Variants in ZNF385D observed in about 807,000 individuals in gnomAD.
The protein encoded by ZNF385D is zinc finger protein 385D, also known as zinc finger protein 659.
ZNF385D carries 15 observed loss-of-function variants against 35.8 expected under a neutral mutation model. That is an observed-to-expected ratio of 0.42 (90% CI 0.28 to 0.64). The LOEUF (loss-of-function observed/expected upper bound fraction) is 0.64, where lower values mean the gene tolerates loss of function less well. Ranked by LOEUF, ZNF385D falls within the 30% of genes least tolerant of loss-of-function variation. The pLI is 0.23. For synonymous variants in ZNF385D, 212 were observed against 186.8 expected, an observed-to-expected ratio of 1.13 and a Z score of -1.10; for missense variants, 474 against 494.6, an observed-to-expected ratio of 0.96 and a Z score of 0.39.
chr3:22,004,214 A>G (rs781138028), intron 3 of ZNF385D, among the ~76,000 whole-genome samples: 40 of 152,190 alleles, frequency 2.6e-4, no homozygotes, highest in Non-Finnish European at 5.6e-4. Context: ...ACCGTCTTCA[A>G]TAAATGGTAC....
intron 3 of ZNF385D, among the ~76,000 whole-genome samples, chr3:21,830,614 T>A (rs762363028): frequency 2.0e-5 from 3 of 152,228 alleles, no homozygotes; most frequent in Non-Finnish European, 4.4e-5. Context: ...TTCCCTTGTC[T>A]GTCGAAGATG....
chr3:22,079,188 T>C (rs1489583264), intron 3 of ZNF385D, among the ~76,000 whole-genome samples: 1 of 152,022 alleles, frequency 6.6e-6, no homozygotes, highest in African/African-American at 2.4e-5. Context: ...CCACAGTACA[T>C]AAATAATTGT....
At chr3:22,183,296 T>C (rs970475882) in intron 2 of ZNF385D, among the ~76,000 whole-genome samples, 2 of 152,182 alleles carry the variant, frequency 1.3e-5, no homozygotes, top group Non-Finnish European at 2.9e-5. Flanking sequence ...GGTAACAGTA[T>C]GCATTCTGCT....
At chr3:22,165,180 G>A (rs1283868085) in intron 3 of ZNF385D, among the ~76,000 whole-genome samples, 2 of 152,224 alleles carry the variant, frequency 1.3e-5, no homozygotes, top group African/African-American at 4.8e-5. Flanking sequence ...ATGTGTTGAT[G>A]TAGGTTAATC....
chr3:21,546,959 A>G (rs1029508157), intron 3 of ZNF385D, among the ~76,000 whole-genome samples: 19 of 152,080 alleles, frequency 1.2e-4, no homozygotes, highest in African/African-American at 4.3e-4. Flanking sequence ...TCTGCCCTAC[A>G]TACCCTGGGT....
At chr3:21,949,925 A>G (rs909137895) in intron 3 of ZNF385D, among the ~76,000 whole-genome samples, 1 of 152,112 alleles carries the variant, frequency 6.6e-6, no homozygotes, top group Non-Finnish European at 1.5e-5. Context: ...CATGGTGTAT[A>G]TGTGCCACAT....
chr3:22,233,078 T>A (rs1183628797), intron 2 of ZNF385D, among the ~76,000 whole-genome samples: 1 of 151,888 alleles, frequency 6.6e-6, no homozygotes, highest in African/African-American at 2.4e-5. Context: ...TTTACTATAA[T>A]TTTTTTTGTT....
At chr3:22,344,801 A>C (rs1460557934) in intron 2 of ZNF385D, among the ~76,000 whole-genome samples, 3 of 152,216 alleles carry the variant, frequency 2.0e-5, no homozygotes, top group African/African-American at 7.2e-5. Context: ...ATCCTTAATA[A>C]GTAAATGCTG....
intron 1 of ZNF385D, among the ~76,000 whole-genome samples, chr3:21,748,706 A>C (rs1443164416): frequency 6.6e-6 from 1 of 152,220 alleles, no homozygotes; most frequent in Non-Finnish European, 1.5e-5. Flanking sequence ...CAATTTGCAA[A>C]GTGAAAGCAT....
intron 3 of ZNF385D, among the ~76,000 whole-genome samples, chr3:21,781,542 T>C (rs1041670557): frequency 6.6e-6 from 1 of 152,082 alleles, no homozygotes; most frequent in Admixed American, 6.6e-5. Flanking sequence ...TATGGAAAGC[T>C]TTTTTGAATA....
chr3:22,188,018 T>C (rs1015653360), intron 2 of ZNF385D, among the ~76,000 whole-genome samples: 3 of 152,206 alleles, frequency 2.0e-5, no homozygotes, highest in Admixed American at 2.0e-4. Flanking sequence ...TTAGAATTCA[T>C]GAAGCTGCAG....
intron 3 of ZNF385D, among the ~76,000 whole-genome samples, chr3:21,551,770 G>A (rs1367554683): frequency 6.6e-6 from 1 of 151,996 alleles, no homozygotes; most frequent in African/African-American, 2.4e-5. Context: ...ACCTACACCA[G>A]GAAAAGGTAA....
intron 1 of ZNF385D, among the ~76,000 whole-genome samples, chr3:21,700,916 A>G (rs988186316): frequency 6.6e-6 from 1 of 152,178 alleles, no homozygotes. Context: ...ATCTTAAATA[A>G]CTGTTGTGAA....
chr3:22,035,896 G>A (rs1365434514), intron 3 of ZNF385D, among the ~76,000 whole-genome samples: 2 of 151,644 alleles, frequency 1.3e-5, no homozygotes, highest in Non-Finnish European at 2.9e-5. Flanking sequence ...GTGGCTTGCT[G>A]ATAAATGATT....
intron 3 of ZNF385D, among the ~76,000 whole-genome samples, chr3:21,785,050 A>G (rs1188139287): frequency 6.6e-6 from 1 of 152,078 alleles, no homozygotes; most frequent in East Asian, 1.9e-4. Flanking sequence ...CACACACACA[A>G]TCCATGCATG....
chr3:22,347,547 A>T (rs969591868), intron 2 of ZNF385D, among the ~76,000 whole-genome samples: 2 of 152,198 alleles, frequency 1.3e-5, no homozygotes, highest in South Asian at 4.1e-4. Flanking sequence ...TGTCAATAGA[A>T]ACTTAGATCA....
chr3:22,295,640 G>T (rs1239891515), intron 2 of ZNF385D, among the ~76,000 whole-genome samples: 1 of 152,114 alleles, frequency 6.6e-6, no homozygotes, highest in Non-Finnish European at 1.5e-5. Flanking sequence ...AGGTGGATCT[G>T]AACCTTTGGT....
intron 2 of ZNF385D, among the ~76,000 whole-genome samples, chr3:22,337,284 G>C (rs1695215757): frequency 6.6e-6 from 1 of 152,008 alleles, no homozygotes; most frequent in Admixed American, 6.6e-5. Context: ...GTAATCCCCA[G>C]ATTTTGAAAG....
At chr3:22,134,184 A>C (rs1703967408) in intron 3 of ZNF385D, 1 of 152,146 alleles carries the variant, frequency 6.6e-6, no homozygotes, top group African/African-American at 2.4e-5. Flanking sequence ...ATGAGAAATG[A>C]ACTGTAAATA....
Sources: allele counts gnomAD v4.1 joint callset (sites outside exome capture counted in the v4.1 genomes callset), GRCh38; gene constraint gnomAD v4.1.1; transcripts MANE v1.5; gene names NCBI Gene and HGNC (gene_info 2026-07-23, HGNC 2026-07-21).